Variants in ALDH3A2 observed in about 807,000 individuals in gnomAD.
ALDH3A2 encodes aldehyde dehydrogenase family 3 member A2.
Under a neutral mutation model 51.3 loss-of-function variants are expected in ALDH3A2, and 36 were observed. That is an observed-to-expected ratio of 0.70 (90% CI 0.54 to 0.93). ALDH3A2 has a LOEUF of 0.93. Ranked by LOEUF, ALDH3A2 falls within the 40% of genes least tolerant of loss-of-function variation. ALDH3A2 has a pLI of 0.00. For missense variants in ALDH3A2, 552 were observed against 603.1 expected, an observed-to-expected ratio of 0.92 and a Z score of 0.89; for synonymous variants, 199 against 219.8, an observed-to-expected ratio of 0.91 and a Z score of 0.84.
intron 8 of ALDH3A2, 89 bp downstream of exon 8, chr17:19,665,136 C>A: frequency 8.6e-7 from 1 of 1,159,892 alleles, no homozygotes; most frequent in Non-Finnish European, 1.3e-6. Flanking sequence ...AAATAGCCAG[C>A]TGTTGCGTAC....
At position 19,676,237 on chromosome 17, in the gene ALDH3A2, T is replaced by G. The variant is rs1014457282; in HGVS notation, c.*665T>G. On this transcript the variant is annotated 3_prime_UTR_variant, in exon 10 of 10. Coordinates refer to ENST00000176643, the MANE Select transcript of ALDH3A2 (RefSeq NM_000382.3). ...AACAATCTCTTGTGACTAATGTCAC[T>G]CAAAGCATCTTGTAAATCCTAGGGC... The G allele has an allele frequency of 6.6e-6, 1 of 152,450 alleles. No homozygotes were observed. The highest frequency in any genetic ancestry group is 2.4e-5 in the African/African-American group (1 of 41,460). The allele number at this position is 152,450 out of a possible 1,614,324, so 9.4% of individuals were successfully genotyped here.
chr17:19,674,464 T>C (rs1187501995), intron 9 of ALDH3A2: 1 of 152,098 alleles, frequency 6.6e-6, no homozygotes, highest in Non-Finnish European at 1.5e-5. Context: ...AGCAGCAATA[T>C]ATAAAAGAAG....
chr17:19,659,719 T>A (rs1339672376), intron 5 of ALDH3A2: 1 of 151,482 alleles, frequency 6.6e-6, no homozygotes, highest in Non-Finnish European at 1.5e-5. Flanking sequence ...CGTGTACGTG[T>A]GGTCCCAGCT....
Position 19,675,610 on chromosome 17 carries a change from A to G in ALDH3A2, c.*38A>G, listed in dbSNP as rs373071861. 141 of 1,595,026 alleles carry G rather than the reference A, an allele frequency of 8.8e-5. No homozygotes were observed. In the African/African-American group the frequency reaches 1.7e-3, roughly 20 times the overall value. On this transcript the variant is annotated 3_prime_UTR_variant, in exon 10 of 10. Coordinates refer to ENST00000176643, the MANE Select transcript of ALDH3A2 (RefSeq NM_000382.3). The stretch of plus-strand genomic sequence containing the variant: ...TTCAACCTCCTAGTGCCTCTACTGA[A>G]TTATTCCTCTTTTAAATGGTTAATG...
At chr17:19,672,810 AGGCAGG>A (rs1268453944) in intron 9 of ALDH3A2, among the ~76,000 whole-genome samples, 1 of 152,160 alleles carries the variant, frequency 6.6e-6, no homozygotes, top group Non-Finnish European at 1.5e-5. Flanking sequence ...CGGGAGGCTG[AGGCAGG>A]GGAATCACGA....
At position 19,663,429 on chromosome 17, in the gene ALDH3A2, A is replaced by T. The variant is rs1256115431; in HGVS notation, c.1037A>T (p.Asp346Val). Residue 346 changes from aspartate to valine, a missense_variant, in exon 7 of 10, where the codon GAT (aspartate) becomes GTT (valine). Transcript: ENST00000176643. ...ILPIVPVKNV[D>V]EAINFINERE... ...CCAATAGTGCCTGTGAAAAATGTAG[A>T]TGAGGCCATAAATTTCATAAATGAA... 6.2e-6 allele frequency: 10 copies of T among 1,614,202 alleles called. No homozygotes were observed. The highest frequency in any genetic ancestry group is 8.5e-6 in the Non-Finnish European group (10 of 1,180,028).
chr17:19,665,712 T>A (rs1288694245), intron 8 of ALDH3A2, among the ~76,000 whole-genome samples: 7 of 152,290 alleles, frequency 4.6e-5, no homozygotes, highest in African/African-American at 1.4e-4. Flanking sequence ...GTGAGATGAC[T>A]GACTCAGCTT....
At chr17:19,658,527 C>A (rs1486678619) in intron 5 of ALDH3A2, among the ~76,000 whole-genome samples, 2 of 151,834 alleles carry the variant, frequency 1.3e-5, no homozygotes, top group Non-Finnish European at 2.9e-5. Context: ...AAGTTCAAGA[C>A]CAGCCTGGCC....
Position 19,663,486 on chromosome 17 carries a change from C to G in ALDH3A2, c.1094C>G (p.Ser365Trp). 6.2e-7 allele frequency: 1 copy of G among 1,613,954 alleles called. No homozygotes were observed. The highest frequency in any genetic ancestry group is 2.2e-5 in the East Asian group (1 of 44,860). ...REKPLALYVFSHNHKLIKRMI... is the reference protein window; with the variant it reads ...REKPLALYVFWHNHKLIKRMI... Reference sequence around the variant, plus strand: ...AAGCCTCTGGCTCTTTATGTATTTTCGCATAACCATAAGGTAAGCTTTAGA... The same window carrying G: ...AAGCCTCTGGCTCTTTATGTATTTTGGCATAACCATAAGGTAAGCTTTAGA... Residue 365 changes from serine (S) to tryptophan (W), a missense_variant, in exon 7 of 10, where the codon TCG becomes TGG. Physicochemically the swap from Ser to Trp is radical, Grantham distance 177. Transcript: ENST00000176643.
chr17:19,661,052 T>C, intron 5 of ALDH3A2, 75 bp from the exon 6 acceptor site: 1 of 1,437,214 alleles, frequency 7.0e-7, no homozygotes, highest in South Asian at 1.2e-5. Flanking sequence ...TTTTGGGGCA[T>C]GGCTGGATTT....
chr17:19,666,087 A>G (rs2085033380), intron 8 of ALDH3A2, among the ~76,000 whole-genome samples: 1 of 152,210 alleles, frequency 6.6e-6, no homozygotes, highest in South Asian at 2.1e-4. Context: ...AGGTATTGCC[A>G]GATCCAAATT....
rs764717978 is a variant in ALDH3A2 at position 19,675,621 on chromosome 17, TTTA to T, written c.*50_*52del. The T allele has an allele frequency of 1.9e-6, 3 of 1,570,746 alleles. No homozygotes were observed. Reference sequence around the variant, plus strand: ...AGTGCCTCTACTGAATTATTCCTCTTTTAAATGGTTAATGAACCAATAATTTTT... The same window carrying T: ...AGTGCCTCTACTGAATTATTCCTCTTAATGGTTAATGAACCAATAATTTTT... On this transcript the variant is annotated 3_prime_UTR_variant, in exon 10 of 10. Transcript: ENST00000176643.
intron 9 of ALDH3A2, among the ~76,000 whole-genome samples, 195 bp downstream of exon 9, chr17:19,672,151 A>C (rs1161047778): frequency 2.0e-5 from 3 of 152,178 alleles, no homozygotes; most frequent in Non-Finnish European, 4.4e-5. Context: ...TTAATCATCC[A>C]CAGCTGCTTT....
intron 8 of ALDH3A2, among the ~76,000 whole-genome samples, chr17:19,665,376 C>A (rs1460745554): frequency 6.9e-6 from 1 of 144,924 alleles, no homozygotes; most frequent in Non-Finnish European, 1.5e-5. Context: ...GATCTCTCTT[C>A]GTGTGTGTGT....
chr17:19,675,511 G>C (rs1276202231), intron 9 of ALDH3A2, 47 bp from the exon 10 acceptor site: 1 of 1,610,168 alleles, frequency 6.2e-7, no homozygotes, highest in Admixed American at 1.7e-5. Flanking sequence ...TTGTGGGTAG[G>C]TTTTTAAAGC....
intron 4 of ALDH3A2, among the ~76,000 whole-genome samples, chr17:19,656,971 C>G (rs2084905614): frequency 6.6e-6 from 1 of 152,206 alleles, no homozygotes; most frequent in African/African-American, 2.4e-5. Flanking sequence ...TAACTGAGAT[C>G]CTTTGTGGGC....
chr17:19,675,464 TC>T, intron 9 of ALDH3A2, 93 bp from the exon 10 acceptor site: 1 of 1,252,620 alleles, frequency 8.0e-7, no homozygotes, highest in Non-Finnish European at 1.2e-6. Context: ...ACAGGAGGTG[TC>T]TGAGTCCCAG....
intron 8 of ALDH3A2, among the ~76,000 whole-genome samples, chr17:19,666,155 G>A (rs2085034849): frequency 6.6e-6 from 1 of 151,968 alleles, no homozygotes; most frequent in Non-Finnish European, 1.5e-5. Context: ...AAGGGAAGGG[G>A]GTATTTTTGG....
chr17:19,649,116 C>A lies in ALDH3A2; in HGVS notation c.145C>A (p.Leu49Met). Residue 49 changes from leucine to methionine, a missense_variant, in exon 1 of 10, where the codon CTG becomes ATG. By Grantham distance (15) the Leu-to-Met change is conservative. Coordinates refer to ENST00000176643, the MANE Select transcript of ALDH3A2 (RefSeq NM_000382.3). Reference protein sequence around the residue: ...KDILTAIAADLCKSEFNVYSQ... With the variant: ...KDILTAIAADMCKSEFNVYSQ... ...TATCCTGACGGCCATCGCCGCCGAC[C>A]TGTGCAAGGTACGCACGCGTGCGGC... 6.4e-7 allele frequency: 1 copy of A among 1,573,304 alleles called. No homozygotes were observed. Among genetic ancestry groups the A allele is most frequent in the Admixed American group, 1.9e-5 (1 of 53,836 alleles).
Sources: allele counts gnomAD v4.1 joint callset (sites outside exome capture counted in the v4.1 genomes callset), GRCh38; gene constraint gnomAD v4.1.1; transcripts MANE v1.5; gene names NCBI Gene and HGNC (gene_info 2026-07-23, HGNC 2026-07-21).